MED27: variants seen among roughly 807,000 people sequenced by gnomAD.
The protein encoded by MED27 is mediator of RNA polymerase II transcription subunit 27.
Under a neutral mutation model 38.2 loss-of-function variants are expected in MED27, and 30 were observed. The observed-to-expected ratio is 0.79, with a 90% CI of 0.59 to 1.07. MED27 has a LOEUF of 1.07. Ranked by LOEUF, MED27 falls within the 50% of genes least tolerant of loss-of-function variation. The probability of loss-of-function intolerance (pLI) is 0.00; values close to 1 mark genes in which losing one functional copy is unlikely to be tolerated. For synonymous variants in MED27, 122 were observed against 153.5 expected (o/e 0.79, Z 1.52); for missense variants, 289 against 397.5 (o/e 0.73, Z 2.32).
In MED27 at chr9:131,924,751, C is replaced by T. The variant is rs542155451; in HGVS notation, c.573+14630G>A. Among the ~76,000 whole-genome samples the T allele has an allele frequency of 5.5e-4, 84 of 152,288 alleles. 3 individuals are homozygous for T. In the South Asian group the frequency reaches 0.017, roughly 30 times the overall value. On this transcript the variant is annotated intron_variant, in intron 4 of 7. Transcript: ENST00000292035. ...GGGTATGTTTTAATGCTTGACAGGG[C>T]TAGCTCCCTTGGTAGCTTTTCTTTT...
intron 3 of MED27, among the ~76,000 whole-genome samples, chr9:131,976,627 T>C (rs1831613939): frequency 6.6e-6 from 1 of 152,234 alleles, no homozygotes; most frequent in Admixed American, 6.5e-5. Flanking sequence ...GGCAGGTAAT[T>C]TAGGGAAGTT....
chr9:132,039,478 G>A (rs968613342), intron 2 of MED27, among the ~76,000 whole-genome samples: 1 of 152,224 alleles, frequency 6.6e-6, no homozygotes, highest in Non-Finnish European at 1.5e-5. Flanking sequence ...ATAAGTGCCG[G>A]CCATTGTCAT....
chr9:131,898,422 C>T (rs377499121), intron 4 of MED27, among the ~76,000 whole-genome samples: 1 of 152,078 alleles, frequency 6.6e-6, no homozygotes, highest in Non-Finnish European at 1.5e-5. Flanking sequence ...GCCATGTTGA[C>T]CAGGCTGGTC....
intron 4 of MED27, among the ~76,000 whole-genome samples, chr9:131,909,856 T>G (rs1589203829): frequency 6.6e-6 from 1 of 152,316 alleles, no homozygotes; most frequent in Non-Finnish European, 1.5e-5. Context: ...ACTTTTTTAT[T>G]TTGCTTCTAT....
chr9:132,030,624 A>T (rs998383877), intron 2 of MED27, among the ~76,000 whole-genome samples: 1 of 152,372 alleles, frequency 6.6e-6, no homozygotes, highest in East Asian at 1.9e-4. Flanking sequence ...CATTTCTTAG[A>T]ATCATGTGAT....
intron 2 of MED27, among the ~76,000 whole-genome samples, chr9:132,034,613 G>A (rs776421095): frequency 2.6e-5 from 4 of 152,156 alleles, no homozygotes; most frequent in Non-Finnish European, 5.9e-5. Flanking sequence ...GCGATAGCTT[G>A]GGTTTCTGAC....
chr9:131,966,397 A>AAAAAAAAAAAAAAAAAAGG (rs1831350147), intron 3 of MED27, among the ~76,000 whole-genome samples: 1 of 147,964 alleles, frequency 6.8e-6, no homozygotes, highest in Non-Finnish European at 1.5e-5. Context: ...AAAAAAAAAA[A>AAAAAAAAAAAAAAAAAAGG]AAAGGAAAGG....
chr9:131,903,955 G>A (rs944120329), intron 4 of MED27, among the ~76,000 whole-genome samples: 35 of 151,074 alleles, frequency 2.3e-4, no homozygotes, highest in Non-Finnish European at 3.8e-4. Context: ...CTGGAGTGCG[G>A]TGGCGTGATC....
intron 3 of MED27, among the ~76,000 whole-genome samples, chr9:132,013,471 A>T (rs545112112): frequency 6.6e-6 from 1 of 152,358 alleles, no homozygotes; most frequent in African/African-American, 2.4e-5. Flanking sequence ...GGGATTCTGG[A>T]AGTGGTGGCT....
At position 131,883,982 on chromosome 9, in the gene MED27, G is replaced by T; in HGVS notation, c.723+76C>A. On this transcript the variant is annotated intron_variant, in intron 6 of 7. Transcript: ENST00000292035. This position sits in a 1 kb window ranked among gnomAD's most constrained non-coding sequence, Gnocchi z 4.2. ...TCACTTTTTCAAAAGCCTCTGATTT[G>T]AGACCAATGTTTAAACCTCAAAGCA... 2 of 1,290,540 alleles carry T rather than the reference G, an allele frequency of 1.5e-6. No individual in the cohort carries two copies. Among genetic ancestry groups the T allele is most frequent in the South Asian group, 1.3e-5 (1 of 77,672 alleles). 79.9% of individuals were successfully genotyped at this position (1,290,540 alleles called of 1,614,324 possible). A position where few individuals can be genotyped will look rare whatever the true frequency, so the allele number is the denominator to read the frequency against.
At position 131,929,914 on chromosome 9, in the gene MED27, C is replaced by T. The variant is rs533210294; in HGVS notation, c.573+9467G>A. Among the ~76,000 whole-genome samples, 36 of 152,284 alleles carry T rather than the reference C, an allele frequency of 2.4e-4. No individual in the cohort carries two copies. In the South Asian group the frequency reaches 4.1e-3, roughly 18 times the overall value. On this transcript the variant is annotated intron_variant, in intron 4 of 7. Transcript: ENST00000292035. ...ATGAACATAGGCGTAGTGGTTACAG[C>T]GAGCCTTGGGCAAGACCCAGTGCTG...
intron 3 of MED27, among the ~76,000 whole-genome samples, chr9:131,974,059 A>C (rs890682862): frequency 3.3e-5 from 5 of 151,978 alleles, no homozygotes; most frequent in Non-Finnish European, 7.4e-5. Context: ...TAATCTCTGA[A>C]ATCAGATGTG....
rs80053706 is a variant in MED27 at position 132,043,811 on chromosome 9, C to T, written c.349-29344G>A. ...AATAAGAAAAAAATGCCACACCAAG[C>T]AATGCAGAAAGGGCAATGGCATGAA... On this transcript the variant is annotated intron_variant, in intron 2 of 7. Transcript: ENST00000292035. Among the ~76,000 whole-genome samples, 377 of 152,216 alleles carry T rather than the reference C, an allele frequency of 2.5e-3. 3 individuals are homozygous for T. The highest frequency in any genetic ancestry group is 8.5e-3 in the African/African-American group (353 of 41,528).
intron 2 of MED27, among the ~76,000 whole-genome samples, chr9:132,076,742 A>G (rs1456835089): frequency 6.6e-6 from 1 of 152,236 alleles, no homozygotes; most frequent in African/African-American, 2.4e-5. Flanking sequence ...TGTACGCCAC[A>G]CCACATAGCA....
chr9:132,014,723 C>T (rs916834695), intron 2 of MED27, among the ~76,000 whole-genome samples: 6 of 109,754 alleles, frequency 5.5e-5, no homozygotes, highest in Admixed American at 9.9e-5. Context: ...TCGGAATGTC[C>T]AACAACTGAC....
intron 4 of MED27, among the ~76,000 whole-genome samples, chr9:131,928,784 C>T (rs1291571654): frequency 6.6e-6 from 1 of 152,242 alleles, no homozygotes; most frequent in Admixed American, 6.5e-5. Context: ...ACTTGAAAGG[C>T]AGTCTAGACC....
At chr9:132,071,284 C>T (rs540526602) in intron 2 of MED27, among the ~76,000 whole-genome samples, 1 of 152,240 alleles carries the variant, frequency 6.6e-6, no homozygotes, top group Non-Finnish European at 1.5e-5. Flanking sequence ...CACCGAGCAA[C>T]ACTGCCACTT....
intron 2 of MED27, among the ~76,000 whole-genome samples, chr9:132,063,638 T>A (rs1443846739): frequency 6.6e-6 from 1 of 152,230 alleles, no homozygotes; most frequent in Admixed American, 6.5e-5. Flanking sequence ...TTGGCCTCCA[T>A]AATCCTCTGC....
In MED27 at chr9:132,071,032, T is replaced by G. The variant is rs1271276036; in HGVS notation, c.348+6410A>C. ...AGATGGGCCACCACTGCCTGGAACCTGTCCTCAGCATCGTCTTAAGACAAT... is the reference window on the plus strand; with the variant it reads ...AGATGGGCCACCACTGCCTGGAACCGGTCCTCAGCATCGTCTTAAGACAAT... On this transcript the variant is annotated intron_variant, in intron 2 of 7. Transcript: ENST00000292035. Among the ~76,000 whole-genome samples, 2 of 152,210 alleles carry G rather than the reference T, an allele frequency of 1.3e-5. 1 individual carries two copies. Among genetic ancestry groups the G allele is most frequent in the African/African-American group, 4.8e-5 (2 of 41,448 alleles).
Sources: allele counts gnomAD v4.1 joint callset (sites outside exome capture counted in the v4.1 genomes callset), GRCh38; gene constraint gnomAD v4.1.1; non-coding constraint Gnocchi (gnomAD v3.1); transcripts MANE v1.5; gene names NCBI Gene and HGNC (gene_info 2026-07-23, HGNC 2026-07-21).